Variants in VPS53 observed in about 807,000 individuals in gnomAD.
VPS53 encodes VPS53 subunit of GARP complex, also known as vacuolar protein sorting-associated protein 53 homolog.
In VPS53, 70 loss-of-function variants were observed where a neutral mutation model predicts 107.0. The ratio of observed to expected loss-of-function variants is 0.65; its 90% CI spans 0.54 to 0.80. The LOEUF is 0.80. Ranked by LOEUF, VPS53 falls within the 30% of genes least tolerant of loss-of-function variation. The pLI, the probability that VPS53 is intolerant of heterozygous loss-of-function variation, is 0.00. For missense variants in VPS53, 917 were observed against 1,049.4 expected, an observed-to-expected ratio of 0.87 and a Z score of 1.74; for synonymous variants, 409 against 393.3, an observed-to-expected ratio of 1.04 and a Z score of -0.47.
At chr17:604,151 C>T (rs899392669) in intron 11 of VPS53, among the ~76,000 whole-genome samples, 1 of 152,170 alleles carries the variant, frequency 6.6e-6, no homozygotes, top group African/African-American at 2.4e-5. Flanking sequence ...TAAAGATGGG[C>T]CTCGTTTTTA....
At chr17:643,049 A>C (rs76530216) in intron 7 of VPS53, among the ~76,000 whole-genome samples, 1 of 115,898 alleles carries the variant, frequency 8.6e-6, no homozygotes, top group Non-Finnish European at 2.1e-5. Flanking sequence ...TCATACTTGG[A>C]AATCAAGGAC....
chr17:711,188 C>T (rs568373234), intron 1 of VPS53, among the ~76,000 whole-genome samples: 3 of 152,070 alleles, frequency 2.0e-5, no homozygotes, highest in South Asian at 4.1e-4. Context: ...CCAGCCTGGG[C>T]GACAGAGTGA....
At chr17:551,575 TATAA>T (rs1911820924) in intron 17 of VPS53, 2 of 168,386 alleles carry the variant, frequency 1.2e-5, no homozygotes, top group South Asian at 3.5e-4. Context: ...TCTAAAAAAA[TATAA>T]ATAAACCACA....
chr17:601,974 G>T, intron 11 of VPS53, 78 bp from the exon 12 acceptor site: 1 of 1,112,500 alleles, frequency 9.0e-7, no homozygotes, highest in Non-Finnish European at 1.2e-6. Flanking sequence ...CTTTTTCTAG[G>T]TGTCTCCAAC....
At chr17:609,605 C>A (rs1968747650) in intron 11 of VPS53, among the ~76,000 whole-genome samples, 1 of 152,114 alleles carries the variant, frequency 6.6e-6, no homozygotes, top group African/African-American at 2.4e-5. Flanking sequence ...GTGAGATGCA[C>A]TGAAACAAGC....
At chr17:647,969 C>G (rs1048929256) in intron 7 of VPS53, among the ~76,000 whole-genome samples, 3 of 152,234 alleles carry the variant, frequency 2.0e-5, no homozygotes, top group Non-Finnish European at 4.4e-5. Context: ...TGCACCCACA[C>G]CGTGAATGCG....
At chr17:707,550 T>C (rs1028568342) in intron 2 of VPS53, among the ~76,000 whole-genome samples, 1 of 147,810 alleles carries the variant, frequency 6.8e-6, no homozygotes, top group Non-Finnish European at 1.5e-5. Context: ...GAAAATCAGT[T>C]CTGTGAAAAA....
intron 15 of VPS53, among the ~76,000 whole-genome samples, chr17:554,425 C>T (rs576895015): frequency 5.3e-4 from 80 of 151,860 alleles, no homozygotes; most frequent in Middle Eastern, 3.4e-3. Flanking sequence ...TTTTTTGAGA[C>T]GGAGTTTCAC....
At chr17:588,689 TATC>T (rs1967464741) in intron 12 of VPS53, among the ~76,000 whole-genome samples, 1 of 152,236 alleles carries the variant, frequency 6.6e-6, no homozygotes, top group South Asian at 2.1e-4. Context: ...TTTTTACTCT[TATC>T]ATCTGGAAGT....
At position 575,098 on chromosome 17, in the gene VPS53, G is replaced by A. The variant is rs148690176; in HGVS notation, c.1313+11172C>T. Among the ~76,000 whole-genome samples, 26 of 152,322 alleles carry A rather than the reference G, an allele frequency of 1.7e-4. No homozygotes were observed. The East Asian group carries it at 2.5e-3, about 15-fold the overall frequency. ...ACTGGGTCTTTGCAAGGCAAATGAC[G>A]GCAAGGCAACTTGCCTTTGGTGGTG... is the stretch of plus-strand genomic sequence containing the variant. On this transcript the variant is annotated intron_variant, in intron 13 of 21. Transcript: ENST00000437048.
intron 19 of VPS53, among the ~76,000 whole-genome samples, chr17:526,420 A>G (rs1333084790): frequency 1.3e-5 from 2 of 152,226 alleles, no homozygotes; most frequent in Admixed American, 1.3e-4. Flanking sequence ...GCCAGTCACC[A>G]TAAAATTCTG....
At chr17:635,469 C>A (rs543185768) in intron 7 of VPS53, among the ~76,000 whole-genome samples, 2 of 152,172 alleles carry the variant, frequency 1.3e-5, no homozygotes, top group Non-Finnish European at 2.9e-5. Context: ...GAAGTCCTTG[C>A]CCATGCCTAT....
At chr17:571,696 C>A (rs1292031775) in intron 13 of VPS53, among the ~76,000 whole-genome samples, 2 of 152,270 alleles carry the variant, frequency 1.3e-5, no homozygotes, top group African/African-American at 4.8e-5. Flanking sequence ...GCGCGCGCTG[C>A]CATGCCTGAC....
At chr17:632,366 T>C (rs1448669654) in intron 7 of VPS53, among the ~76,000 whole-genome samples, 1 of 152,088 alleles carries the variant, frequency 6.6e-6, no homozygotes, top group Non-Finnish European at 1.5e-5. Context: ...TTAGGGTGTT[T>C]TGTAAAAAAT....
intron 15 of VPS53, 86 bp downstream of exon 15, chr17:560,340 T>C (rs1912818935): frequency 2.0e-6 from 3 of 1,491,600 alleles, no homozygotes; most frequent in Admixed American, 4.3e-5. Flanking sequence ...GTGGCCATGT[T>C]AGGACGTATA....
At chr17:578,173 G>A (rs745857688) in intron 13 of VPS53, among the ~76,000 whole-genome samples, 5 of 150,034 alleles carry the variant, frequency 3.3e-5, no homozygotes, top group African/African-American at 7.4e-5. Flanking sequence ...AACCTAATGC[G>A]TTCCCAAAGA....
chr17:622,365 C>T (rs2143021390), intron 11 of VPS53, among the ~76,000 whole-genome samples: 1 of 150,254 alleles, frequency 6.7e-6, no homozygotes, highest in Admixed American at 6.7e-5. Flanking sequence ...AATCACTTTG[C>T]TTCTCTATTG....
chr17:612,536 A>C (rs1305103527), intron 11 of VPS53, among the ~76,000 whole-genome samples: 1 of 145,754 alleles, frequency 6.9e-6, no homozygotes. Context: ...ATATTCACAT[A>C]GTGAGTTCAC....
chr17:714,441 TTC>T (rs1295466801), intron 1 of VPS53, 180 bp downstream of exon 1: 6 of 603,954 alleles, frequency 9.9e-6, no homozygotes, highest in Non-Finnish European at 1.4e-5. Context: ...CTAGAAAGGG[TTC>T]TCTTTCCTTT....
Sources: gnomAD v4.1 joint callset for allele counts (sites outside exome capture counted in the v4.1 genomes callset) on GRCh38, gnomAD v4.1.1 for gene constraint, MANE v1.5 for transcripts, NCBI Gene and HGNC (gene_info 2026-07-23, HGNC 2026-07-21) for gene names.